Variants in CDIPT observed in about 807,000 individuals in gnomAD.
CDIPT encodes PI synthase.
CDIPT carries 17 observed loss-of-function variants against 21.6 expected under a neutral mutation model. That is an observed-to-expected ratio of 0.79 (90% CI 0.54 to 1.18). CDIPT has a LOEUF of 1.18. Ranked by LOEUF, CDIPT falls within the 50% of genes most tolerant of loss-of-function variation. The pLI is 0.00. For synonymous variants in CDIPT, 119 were observed against 117.9 expected, an observed-to-expected ratio of 1.01 and a Z score of -0.06; for missense variants, 254 against 284.9, an observed-to-expected ratio of 0.89 and a Z score of 0.78.
In CDIPT at chr16:29,859,491, C is replaced by A; in HGVS notation, c.447G>T (p.Glu149Asp). The A allele has an allele frequency of 6.2e-7, 1 of 1,613,538 alleles. No individual in the cohort carries two copies. Among genetic ancestry groups the A allele is most frequent in the African/African-American group, 1.3e-5 (1 of 75,042 alleles). ...ACAGGTAGAGGAGGCAGTAGAAGAG[C>A]TCATTCCCAGCACACAAGGTGAACA... ...PALFTLCAGN[E>D]LFYCLLYLFH... is the part of the protein sequence containing the mutation. Residue 149 changes from glutamate (E) to aspartate (D), a missense_variant, in exon 5 of 6, where the codon GAG (glutamate) becomes GAT (aspartate). Physicochemically the swap from Glu to Asp is conservative, Grantham distance 45. Transcript: ENST00000219789. The surrounding 1 kb of genome is among the most constrained non-coding windows in gnomAD (Gnocchi z 4.5).
At position 29,862,844 on chromosome 16, in the gene CDIPT, T is replaced by C. The variant is rs1227930726; in HGVS notation, c.14A>G (p.Asn5Ser). The C allele has an allele frequency of 6.2e-7, 1 of 1,613,828 alleles. No homozygotes were observed. Among genetic ancestry groups the C allele is most frequent in the East Asian group, 2.2e-5 (1 of 44,874 alleles). ...GAGGTTGGGCACGAACAGGAAGATA[T>C]TTTCGTCTGGCATCGCGGCGCCTCC... is the stretch of plus-strand genomic sequence containing the variant. MPDE[N>S]IFLFVPNLIG... The change falls in exon 1 of 6, where the codon AAT (asparagine) becomes AGT (serine). Residue 5 changes from asparagine to serine, a missense_variant. Physicochemically the swap from Asn to Ser is conservative, Grantham distance 46. Transcript: ENST00000219789. The surrounding 1 kb of genome is among the most constrained non-coding windows in gnomAD (Gnocchi z 6.7).
rs1239718477 is a variant in CDIPT at position 29,859,600 on chromosome 16, G to C, written c.415-77C>G. ...CCCTGCCCCCCCAGCACTAATGAAG[G>C]CACAATCTCGGCATATTACTTCTCT... On this transcript the variant is annotated intron_variant, in intron 4 of 5. Coordinates refer to ENST00000219789, the MANE Select transcript of CDIPT (RefSeq NM_006319.5). This position sits in a 1 kb window ranked among gnomAD's most constrained non-coding sequence, Gnocchi z 4.5. The C allele has an allele frequency of 3.4e-6, 3 of 892,488 alleles. No homozygotes were observed. The African/African-American group carries it at 5.0e-5, about 15-fold the overall frequency. The allele number at this position is 892,488 out of a possible 1,614,324, so 55.3% of individuals were successfully genotyped here. A position where few individuals can be genotyped will look rare whatever the true frequency, so the allele number is the denominator to read the frequency against.
At chr16:29,861,447 G>A (rs1444985314) in intron 2 of CDIPT, 188 bp from the exon 3 acceptor site, 1 of 1,538,256 alleles carries the variant, frequency 6.5e-7, no homozygotes, top group Non-Finnish European at 8.7e-7. Flanking sequence ...GGCATGAACT[G>A]AGAAAGGCAT....
At position 29,858,447 on chromosome 16, in the gene CDIPT, C is replaced by G. The variant is rs1289431912; in HGVS notation, c.*742G>C. ...GGATAGAGAAGAGAACAAGAAAAGT[C>G]TGTGCCTTCATGGAGTTTACATTCT... On this transcript the variant is annotated 3_prime_UTR_variant, in exon 6 of 6. Coordinates refer to ENST00000219789, the MANE Select transcript of CDIPT (RefSeq NM_006319.5). The G allele has an allele frequency of 6.6e-6, 1 of 152,102 alleles. No homozygotes were observed. Among genetic ancestry groups the G allele is most frequent in the African/African-American group, 2.4e-5 (1 of 41,432 alleles). The allele number at this position is 152,102 out of a possible 1,614,324, so 9.4% of individuals were successfully genotyped here.
Position 29,858,868 on chromosome 16 carries a change from C to T in CDIPT, c.*321G>A. On this transcript the variant is annotated 3_prime_UTR_variant, in exon 6 of 6. Transcript: ENST00000219789. The stretch of plus-strand genomic sequence containing the variant: ...CGCCTTTCAGGAAACCTGGCCCTCA[C>T]ACCACCTCCCTCACTCAAGCGTCCC... 5 of 307,006 alleles carry T rather than the reference C, an allele frequency of 1.6e-5. No homozygotes were observed. The South Asian group carries it at 2.1e-4, about 13-fold the overall frequency. The allele number at this position is 307,006 out of a possible 1,614,324, so 19.0% of individuals were successfully genotyped here.
chr16:29,863,082 A>T lies in CDIPT; in HGVS notation c.-225T>A. The T allele has an allele frequency of 1.8e-6, 1 of 570,848 alleles. No individual in the cohort carries two copies. The highest frequency in any genetic ancestry group is 3.1e-6 in the Non-Finnish European group (1 of 326,350). The allele number at this position is 570,848 out of a possible 1,614,324, so 35.4% of individuals were successfully genotyped here. A position where few individuals can be genotyped will look rare whatever the true frequency, so the allele number is the denominator to read the frequency against. ...GGGGCGCGCGCAGTCCGCCCTTCCT[A>T]CCCGCAACCTCCCTCGCCTCTGCCA... On this transcript the variant is annotated 5_prime_UTR_variant, in exon 1 of 6. Coordinates refer to ENST00000219789, the MANE Select transcript of CDIPT (RefSeq NM_006319.5).
intron 3 of CDIPT, 170 bp downstream of exon 3, chr16:29,860,936 G>T (rs749433291): frequency 2.1e-5 from 14 of 658,890 alleles, no homozygotes; most frequent in Non-Finnish European, 3.7e-5. Context: ...CTGTAAACAT[G>T]ACTGAAGCTT....
intron 4 of CDIPT, 127 bp downstream of exon 4, chr16:29,860,454 C>G: frequency 1.5e-6 from 1 of 656,180 alleles, no homozygotes; most frequent in Non-Finnish European, 2.8e-6. Flanking sequence ...CTTACGGGCC[C>G]TCCTCCTGGA....
Position 29,862,516 on chromosome 16 carries a change from C to G in CDIPT, c.178+70G>C. 6.7e-7 allele frequency: 1 copy of G among 1,482,242 alleles called. No homozygotes were observed. The highest frequency in any genetic ancestry group is 9.2e-7 in the Non-Finnish European group (1 of 1,087,978). 91.8% of individuals were successfully genotyped at this position (1,482,242 alleles called of 1,614,324 possible). A position where few individuals can be genotyped will look rare whatever the true frequency, so the allele number is the denominator to read the frequency against. On this transcript the variant is annotated intron_variant, in intron 2 of 5. Transcript: ENST00000219789. The surrounding 1 kb of genome is among the most constrained non-coding windows in gnomAD (Gnocchi z 6.7). ...AATGACAGCCCTCTGACTCTGAGGT[C>G]CCGAGGAGGCAGGGGAAGGGAGGAG...
At position 29,861,265 on chromosome 16, in the gene CDIPT, A is replaced by C. The variant is rs758103994; in HGVS notation, c.179-6T>G. On this transcript the variant is annotated splice_region_variant and splice_polypyrimidine_tract_variant and intron_variant, in intron 2 of 5. Coordinates refer to ENST00000219789, the MANE Select transcript of CDIPT (RefSeq NM_006319.5). ...CATGGCCCCAAACCGGGTTCCTGGA[A>C]GATTAGGTGGGCAAGGGCTGTTATG... is the stretch of plus-strand genomic sequence containing the variant. The C allele has an allele frequency of 4.3e-6, 7 of 1,614,142 alleles. No homozygotes were observed. In the Admixed American group the frequency reaches 6.7e-5, roughly 15 times the overall value.
At chr16:29,860,122 TTG>T (rs1248319533) in intron 4 of CDIPT, among the ~76,000 whole-genome samples, 2 of 152,022 alleles carry the variant, frequency 1.3e-5, no homozygotes, top group Non-Finnish European at 2.9e-5. Flanking sequence ...ATTCAAGATT[TTG>T]TGTGTGTGTG....
At position 29,862,887 on chromosome 16, in the gene CDIPT, G is replaced by C. The variant is rs2150768925; in HGVS notation, c.-30C>G. On this transcript the variant is annotated 5_prime_UTR_variant, in exon 1 of 6. Coordinates refer to ENST00000219789, the MANE Select transcript of CDIPT (RefSeq NM_006319.5). This position sits in a 1 kb window ranked among gnomAD's most constrained non-coding sequence, Gnocchi z 6.7. ...GCGCCTCCCTTGCTGCCCCGGGCCT[G>C]CTCTGGAGATGCCAGTGCTGTCCCA... 1 of 1,612,406 alleles carries C rather than the reference G, an allele frequency of 6.2e-7. No homozygotes were observed. Among genetic ancestry groups the C allele is most frequent in the Admixed American group, 1.7e-5 (1 of 59,998 alleles).
chr16:29,861,128 T>G lies in CDIPT; in HGVS notation c.310A>C (p.Ser104Arg). Reference protein sequence around the residue: ...FQISMSLDVASHWLHLHSSVV... With the variant: ...FQISMSLDVARHWLHLHSSVV... ...GACCTGTGGAGGTGCAGCCAGTGAC[T>G]GGCCACATCCAAACTCATGCTGATT... The change falls in exon 3 of 6, where the codon AGT becomes CGT. Residue 104 changes from serine (S) to arginine (R), a missense_variant. Physicochemically the swap from Ser to Arg is moderately radical, Grantham distance 110. Transcript: ENST00000219789. 6.2e-7 allele frequency: 1 copy of G among 1,614,168 alleles called. No homozygotes were observed. The highest frequency in any genetic ancestry group is 1.1e-5 in the South Asian group (1 of 91,084).
chr16:29,861,881 G>A (rs1380876737), intron 2 of CDIPT, among the ~76,000 whole-genome samples: 1 of 151,910 alleles, frequency 6.6e-6, no homozygotes, highest in Non-Finnish European at 1.5e-5. Flanking sequence ...TTACAGGCAC[G>A]CGTCACCAAG....
chr16:29,862,519 G>C lies in CDIPT; in HGVS notation c.178+67C>G. On this transcript the variant is annotated intron_variant, in intron 2 of 5. Coordinates refer to ENST00000219789, the MANE Select transcript of CDIPT (RefSeq NM_006319.5). The surrounding 1 kb of genome is among the most constrained non-coding windows in gnomAD (Gnocchi z 6.7). ...GACAGCCCTCTGACTCTGAGGTCCC[G>C]AGGAGGCAGGGGAAGGGAGGAGGGG... 2 of 1,500,810 alleles carry C rather than the reference G, an allele frequency of 1.3e-6. No individual in the cohort carries two copies. Among genetic ancestry groups the C allele is most frequent in the East Asian group, 2.5e-5 (1 of 40,580 alleles). The allele number at this position is 1,500,810 out of a possible 1,614,324, so 93.0% of individuals were successfully genotyped here.
rs935330853 is a variant in CDIPT, at chr16:29,863,038, C to G, written c.-181G>C. 1.4e-6 allele frequency: 1 copy of G among 716,758 alleles called. No homozygotes were observed. Among genetic ancestry groups the G allele is most frequent in the Non-Finnish European group, 2.4e-6 (1 of 418,752 alleles). 44.4% of individuals were successfully genotyped at this position (716,758 alleles called of 1,614,324 possible). On this transcript the variant is annotated 5_prime_UTR_variant, in exon 1 of 6. Coordinates refer to ENST00000219789, the MANE Select transcript of CDIPT (RefSeq NM_006319.5). Reference sequence around the variant, plus strand: ...AGCCGTCGGGAGCATGGACCGGCCCCGAGGTGCGCGGGACGCAGGGGGCGC... The same window carrying G: ...AGCCGTCGGGAGCATGGACCGGCCCGGAGGTGCGCGGGACGCAGGGGGCGC...
Position 29,861,225 on chromosome 16 carries a change from C to T in CDIPT, c.213G>A (p.Thr71=), listed in dbSNP as rs373387977. ...TRFGAMLDML[T]DRCSTMCLLV... ...ACAGGCACATGGTGGAGCAGCGGTC[C>T]GTCAGCATGTCCAGCATGGCCCCAA... Residue 71 remains threonine (T), a synonymous_variant, in exon 3 of 6, where the codon ACG becomes ACA. Coordinates refer to ENST00000219789, the MANE Select transcript of CDIPT (RefSeq NM_006319.5). 4.7e-4 allele frequency: 766 copies of T among 1,614,208 alleles called. No individual in the cohort carries two copies. The highest frequency in any genetic ancestry group is 1.2e-3 in the Admixed American group (70 of 60,034).
At position 29,861,602 on chromosome 16, in the gene CDIPT, G is replaced by A; in HGVS notation, c.179-343C>T. ...GTCTGGAGAACAGATTAAAAAATTA[G>A]TCAACCCTCCAGAAGCCATCACCCT... On this transcript the variant is annotated intron_variant, in intron 2 of 5. Transcript: ENST00000219789. The A allele has an allele frequency of 3.6e-6, 4 of 1,098,116 alleles. No homozygotes were observed. In the South Asian group the frequency reaches 6.2e-5, roughly 17 times the overall value. The allele number at this position is 1,098,116 out of a possible 1,614,324, so 68.0% of individuals were successfully genotyped here. A position where few individuals can be genotyped will look rare whatever the true frequency, so the allele number is the denominator to read the frequency against.
Position 29,862,684 on chromosome 16 carries a change from T to G in CDIPT, c.80A>C (p.Tyr27Ser), listed in dbSNP as rs1300496152. The G allele has an allele frequency of 1.9e-6, 3 of 1,613,682 alleles. 1 individual carries two copies. In the Admixed American group the frequency reaches 5.0e-5, roughly 27 times the overall value. Residue 27 changes from tyrosine (Y) to serine (S), a missense_variant, in exon 2 of 6, where the codon TAC becomes TCC. Tyr to Ser is a moderately radical substitution (Grantham distance 144). Transcript: ENST00000219789. The surrounding 1 kb of genome is among the most constrained non-coding windows in gnomAD (Gnocchi z 6.7). ...CGTGAGGGGGCAGCAGGGCATGAAG[T>G]AGAAAGAAATGATGGCGAAGACAAT... ...ARIVFAIISF[Y>S]FMPCCPLTAS... is the part of the protein sequence containing the mutation.
Sources: allele counts gnomAD v4.1 joint callset (sites outside exome capture counted in the v4.1 genomes callset), GRCh38; gene constraint gnomAD v4.1.1; non-coding constraint Gnocchi (gnomAD v3.1); transcripts MANE v1.5; gene names NCBI Gene and HGNC (gene_info 2026-07-23, HGNC 2026-07-21).